JARID2: variants seen among roughly 807,000 people sequenced by gnomAD.
JARID2 encodes protein Jumonji.
JARID2 carries 21 observed loss-of-function variants against 125.6 expected under a neutral mutation model. That is an observed-to-expected ratio of 0.17 (90% CI 0.12 to 0.24). JARID2 has a LOEUF of 0.24. Among genes scored for constraint, JARID2 ranks in the 10% least tolerant of loss-of-function variants. The pLI, the probability that JARID2 is intolerant of heterozygous loss-of-function variation, is 1.00. For missense variants in JARID2, 1,303 were observed against 1,639.6 expected, an observed-to-expected ratio of 0.79 and a Z score of 3.55; for synonymous variants, 736 against 661.6, an observed-to-expected ratio of 1.11 and a Z score of -1.73.
At chr6:15,283,165 A>G (rs1760834238) in intron 1 of JARID2, among the ~76,000 whole-genome samples, 1 of 149,180 alleles carries the variant, frequency 6.7e-6, no homozygotes, top group South Asian at 2.1e-4. Context: ...TTTTTATTAG[A>G]GACGGGGTTT....
At chr6:15,453,688 A>G (rs1338740926) in intron 4 of JARID2, among the ~76,000 whole-genome samples, 2 of 152,190 alleles carry the variant, frequency 1.3e-5, no homozygotes, top group African/African-American at 2.4e-5. Context: ...TGTTACTCCT[A>G]TTATGTATTC....
intron 1 of JARID2, among the ~76,000 whole-genome samples, chr6:15,276,941 T>C (rs1760546743): frequency 1.3e-5 from 2 of 152,138 alleles, no homozygotes; most frequent in Non-Finnish European, 1.5e-5. Flanking sequence ...GGGTATACCA[T>C]ATGGACCAGG....
chr6:15,254,073 G>A (rs1273011472), intron 1 of JARID2, among the ~76,000 whole-genome samples: 2 of 152,192 alleles, frequency 1.3e-5, no homozygotes, highest in Non-Finnish European at 2.9e-5. Context: ...AGGGAGGGCA[G>A]TTTTGTCAGA....
intron 1 of JARID2, among the ~76,000 whole-genome samples, chr6:15,290,963 A>G (rs1761185511): frequency 6.7e-6 from 1 of 149,088 alleles, no homozygotes; most frequent in Non-Finnish European, 1.5e-5. Context: ...TCACGAGGCC[A>G]GGTGCTGTGT....
chr6:15,295,322 C>T (rs1359394807), intron 1 of JARID2, among the ~76,000 whole-genome samples: 4 of 152,102 alleles, frequency 2.6e-5, no homozygotes, highest in East Asian at 1.9e-4. Flanking sequence ...GGGATTTCAC[C>T]GTGTTAGCCA....
intron 16 of JARID2, among the ~76,000 whole-genome samples, chr6:15,514,102 C>A (rs780253326): frequency 6.6e-6 from 1 of 152,234 alleles, no homozygotes; most frequent in Non-Finnish European, 1.5e-5. Flanking sequence ...CAAACACCTC[C>A]TCCCCCTGCT....
At chr6:15,486,805 A>AATTTTTTTTTTTT (rs766075740) in intron 5 of JARID2, among the ~76,000 whole-genome samples, 1 of 40,638 alleles carries the variant, frequency 2.5e-5, no homozygotes, top group African/African-American at 1.9e-4. Context: ...CTGAGAATAG[A>AATTTTTTTTTTTT]CTTTTTTTTT....
intron 1 of JARID2, among the ~76,000 whole-genome samples, chr6:15,277,329 G>T (rs1481236315): frequency 1.3e-5 from 2 of 152,216 alleles, no homozygotes; most frequent in East Asian, 1.9e-4. Flanking sequence ...TTGCTATGTT[G>T]CCCAGGCTGG....
intron 1 of JARID2, among the ~76,000 whole-genome samples, chr6:15,279,841 A>C (rs984124376): frequency 6.6e-6 from 1 of 152,220 alleles, no homozygotes. Context: ...AAGACCCTTC[A>C]TTAAATCAGT....
chr6:15,369,233 C>A (rs909441361), intron 1 of JARID2: 1 of 343,536 alleles, frequency 2.9e-6, no homozygotes, highest in Admixed American at 2.9e-5. Context: ...AGATAACTTG[C>A]AATGCCAAGT....
At chr6:15,303,884 G>C (rs759173399) in intron 1 of JARID2, among the ~76,000 whole-genome samples, 1 of 152,076 alleles carries the variant, frequency 6.6e-6, no homozygotes, top group Non-Finnish European at 1.5e-5. Flanking sequence ...TTTAATAATC[G>C]GTAATCTTGA....
Position 15,487,452 on chromosome 6 carries a change from G to A in JARID2, c.816G>A (p.Ala272=), listed in dbSNP as rs200512313. 1.8e-5 allele frequency: 29 copies of A among 1,614,188 alleles called. No individual in the cohort carries two copies. The East Asian group carries it at 4.0e-4, about 22-fold the overall frequency. The change falls in exon 6 of 18, where the codon GCG becomes GCA. Residue 272 remains alanine (A), a synonymous_variant. Coordinates refer to ENST00000341776, the MANE Select transcript of JARID2 (RefSeq NM_004973.4). Reference sequence around the variant, plus strand: ...AGGCTTCAGCTAACCACCCCGCAGCGGCCCCCTCCACGGGTTCCTCGGCCA... The same window carrying A: ...AGGCTTCAGCTAACCACCCCGCAGCAGCCCCCTCCACGGGTTCCTCGGCCA... ...REQASANHPA[A]APSTGSSAKG... is the part of the protein sequence containing the mutation.
chr6:15,403,703 C>T (rs978780100), intron 2 of JARID2, among the ~76,000 whole-genome samples: 1 of 152,052 alleles, frequency 6.6e-6, no homozygotes, highest in African/African-American at 2.4e-5. Flanking sequence ...ATTGTGCATG[C>T]AAAAGAGGTG....
chr6:15,453,685 CCTAT>C (rs1381862747), intron 4 of JARID2, among the ~76,000 whole-genome samples: 1 of 152,182 alleles, frequency 6.6e-6, no homozygotes, highest in African/African-American at 2.4e-5. Context: ...ATCTGTTACT[CCTAT>C]TATGTATTCT....
At chr6:15,290,361 C>G (rs765516417) in intron 1 of JARID2, among the ~76,000 whole-genome samples, 34 of 152,138 alleles carry the variant, frequency 2.2e-4, no homozygotes, top group Non-Finnish European at 4.6e-4. Context: ...GTTCAAGACT[C>G]TTTGTAGTCA....
At chr6:15,283,663 G>T (rs1211151487) in intron 1 of JARID2, among the ~76,000 whole-genome samples, 2 of 148,894 alleles carry the variant, frequency 1.3e-5, no homozygotes, top group African/African-American at 4.9e-5. Context: ...TATTAAATAT[G>T]TTGCAAATAT....
chr6:15,315,569 A>G (rs925743142), intron 1 of JARID2, among the ~76,000 whole-genome samples: 11 of 152,204 alleles, frequency 7.2e-5, no homozygotes, highest in African/African-American at 2.2e-4. Context: ...ACGTATCTAG[A>G]GTGTGACTGG....
At chr6:15,299,149 C>A (rs578158943) in intron 1 of JARID2, among the ~76,000 whole-genome samples, 39 of 152,230 alleles carry the variant, frequency 2.6e-4, no homozygotes, top group African/African-American at 8.7e-4. Flanking sequence ...TTCACTGACC[C>A]GTGAGCCTTA....
chr6:15,247,718 G>A (rs1759239078), intron 1 of JARID2: 1 of 985,292 alleles, frequency 1.0e-6, no homozygotes, highest in Non-Finnish European at 1.2e-6. Context: ...TAATGGAAAA[G>A]CTGAATGCCT....
Sources: allele counts gnomAD v4.1 joint callset (sites outside exome capture counted in the v4.1 genomes callset), GRCh38; gene constraint gnomAD v4.1.1; transcripts MANE v1.5; gene names NCBI Gene and HGNC (gene_info 2026-07-23, HGNC 2026-07-21).